Variants in TECTB observed in about 807,000 individuals in gnomAD.
The protein encoded by TECTB is beta-tectorin.
Under a neutral mutation model 43.3 loss-of-function variants are expected in TECTB, and 45 were observed. The observed-to-expected ratio is 1.04, with a 90% CI of 0.82 to 1.33. The LOEUF (loss-of-function observed/expected upper bound fraction) is 1.33, where lower values mean the gene tolerates loss of function less well. Among genes scored for constraint, TECTB ranks in the 40% most tolerant of loss-of-function variants. The pLI, the probability that TECTB is intolerant of heterozygous loss-of-function variation, is 0.00. For missense variants in TECTB, 399 were observed against 404.7 expected, an observed-to-expected ratio of 0.99 and a Z score of 0.12; for synonymous variants, 169 against 156.7, an observed-to-expected ratio of 1.08 and a Z score of -0.59.
At chr10:112,285,977 T>C in intron 3 of TECTB, 94 bp from the exon 4 acceptor site, 1 of 1,521,634 alleles carries the variant, frequency 6.6e-7, no homozygotes, top group Non-Finnish European at 9.0e-7. Flanking sequence ...CCCACTGGAC[T>C]TGTTTTTGAG....
In TECTB at chr10:112,299,570, C is replaced by T; in HGVS notation, c.907+6C>T. On this transcript the variant is annotated splice_donor_region_variant and intron_variant, in intron 9 of 10. Transcript: ENST00000646139. Reference sequence around the variant, plus strand: ...CGTGGAGCTCTCCCTGCGGAGTAAGCGTCTCTGTTTTCCTCTGTTTTCCAA... The same window carrying T: ...CGTGGAGCTCTCCCTGCGGAGTAAGTGTCTCTGTTTTCCTCTGTTTTCCAA... The T allele has an allele frequency of 1.9e-6, 3 of 1,555,760 alleles. No individual in the cohort carries two copies. The highest frequency in any genetic ancestry group is 2.6e-6 in the Non-Finnish European group (3 of 1,156,716).
chr10:112,302,682 T>C (rs1443350899), intron 10 of TECTB: 3 of 209,518 alleles, frequency 1.4e-5, no homozygotes, highest in Non-Finnish European at 2.8e-5. Flanking sequence ...ATGATTATGA[T>C]GACTGTACTG....
chr10:112,295,721 C>A (rs1377041538), intron 7 of TECTB, among the ~76,000 whole-genome samples: 1 of 152,246 alleles, frequency 6.6e-6, no homozygotes, highest in Non-Finnish European at 1.5e-5. Flanking sequence ...TGCTATCAGG[C>A]ACTGGGAACC....
In TECTB at chr10:112,300,230, T is replaced by TAAAGAAAGAAAGAGAAAGAAAG. The variant is rs1848588221; in HGVS notation, c.907+679_907+680insGAAAGAAAGAAAGAAAGAAAGA. On this transcript the variant is annotated intron_variant, in intron 9 of 10. Coordinates refer to ENST00000646139, the MANE Select transcript of TECTB (RefSeq NM_058222.3). Reference sequence around the variant, plus strand: ...AGACAGACAGACAGACAGAAAGAAATAAAGAAAGAAAGAAAGAAAGAAAGA... The same window carrying TAAAGAAAGAAAGAGAAAGAAAG: ...AGACAGACAGACAGACAGAAAGAAATAAAGAAAGAAAGAGAAAGAAAGAAAGAAAGAAAGAAAGAAAGAAAGA... Among the ~76,000 whole-genome samples the TAAAGAAAGAAAGAGAAAGAAAG allele has an allele frequency of 3.6e-5, 2 of 55,024 alleles. 1 individual carries two copies. Among genetic ancestry groups the TAAAGAAAGAAAGAGAAAGAAAG allele is most frequent in the Admixed American group, 4.6e-4 (2 of 4,384 alleles). The allele number at this position is 55,024 out of a possible 152,430, so 36.1% of individuals were successfully genotyped here.
Position 112,283,718 on chromosome 10 carries a change from C to A in TECTB, c.-17C>A. The A allele has an allele frequency of 6.2e-7, 1 of 1,613,366 alleles. No individual in the cohort carries two copies. The highest frequency in any genetic ancestry group is 1.3e-5 in the African/African-American group (1 of 74,970). On this transcript the variant is annotated 5_prime_UTR_variant, in exon 2 of 11. Transcript: ENST00000646139. ...GCTTGGTTTGGATACCTGGCAGAGA[C>A]CAGGTTCTGAGAAGCAATGGTGACG...
intron 7 of TECTB, among the ~76,000 whole-genome samples, chr10:112,296,150 C>T (rs1463951838): frequency 6.6e-6 from 1 of 152,062 alleles, no homozygotes; most frequent in African/African-American, 2.4e-5. Flanking sequence ...TTGCTCACAA[C>T]ACTGGGCCCC....
intron 3 of TECTB, among the ~76,000 whole-genome samples, chr10:112,284,981 C>A (rs1028963171): frequency 2.6e-5 from 4 of 152,182 alleles, no homozygotes; most frequent in African/African-American, 9.7e-5. Context: ...TCTAGTAGAA[C>A]AAAGTACATT....
intron 9 of TECTB, among the ~76,000 whole-genome samples, chr10:112,300,279 AAAAGAAAGAAAG>A (rs71303596): frequency 2.1e-4 from 10 of 48,390 alleles, no homozygotes; most frequent in Admixed American, 4.7e-4. Context: ...AGAAAGAAAG[AAAAGAAAGAAAG>A]AAAGAAAGAA....
chr10:112,299,163 A>G (rs943941569), intron 8 of TECTB, among the ~76,000 whole-genome samples: 3 of 152,244 alleles, frequency 2.0e-5, no homozygotes, highest in Admixed American at 2.0e-4. Context: ...TTCTCTAATT[A>G]TTGTGGTGAG....
chr10:112,300,230 T>TAAAGAAAGAAAGAAAG (rs1554854200), intron 9 of TECTB, among the ~76,000 whole-genome samples: 27 of 55,028 alleles, frequency 4.9e-4, no homozygotes, highest in Admixed American at 1.6e-3. Flanking sequence ...CAGAAAGAAA[T>TAAAGAAAGAAAGAAAG]AAAGAAAGAA....
At chr10:112,295,386 T>C (rs1848536754) in intron 7 of TECTB, among the ~76,000 whole-genome samples, 1 of 152,176 alleles carries the variant, frequency 6.6e-6, no homozygotes. Context: ...CTCTCTAAAG[T>C]AGACAGTATA....
chr10:112,300,797 A>G (rs1316781758), intron 9 of TECTB, among the ~76,000 whole-genome samples: 1 of 152,260 alleles, frequency 6.6e-6, no homozygotes, highest in Non-Finnish European at 1.5e-5. Flanking sequence ...CTGAAATCTG[A>G]AACACTTCTG....
intron 5 of TECTB, among the ~76,000 whole-genome samples, chr10:112,288,235 A>T (rs1161529310): frequency 6.6e-6 from 1 of 152,224 alleles, no homozygotes; most frequent in African/African-American, 2.4e-5. Context: ...ACACGGAGAC[A>T]CCAGGATTGT....
At chr10:112,287,049 G>A (rs1429539721) in intron 5 of TECTB, among the ~76,000 whole-genome samples, 1 of 152,202 alleles carries the variant, frequency 6.6e-6, no homozygotes, top group Non-Finnish European at 1.5e-5. Flanking sequence ...CTGACTCTTA[G>A]TCAAGATTAG....
At chr10:112,288,883 C>T (rs986524565) in intron 5 of TECTB, among the ~76,000 whole-genome samples, 2 of 152,080 alleles carry the variant, frequency 1.3e-5, no homozygotes, top group Admixed American at 1.3e-4. Flanking sequence ...TTATTTTGAC[C>T]CTCAATACAA....
chr10:112,296,240 A>G (rs908873507), intron 7 of TECTB, among the ~76,000 whole-genome samples: 4 of 152,150 alleles, frequency 2.6e-5, no homozygotes, highest in African/African-American at 9.7e-5. Context: ...CCCTGTACAC[A>G]TGGATGCCCC....
Position 112,283,662 on chromosome 10 carries a change from A to G in TECTB, c.-73A>G. 3 of 1,387,848 alleles carry G rather than the reference A, an allele frequency of 2.2e-6. No individual in the cohort carries two copies. The highest frequency in any genetic ancestry group is 3.0e-6 in the Non-Finnish European group (3 of 987,390). 86.0% of individuals were successfully genotyped at this position (1,387,848 alleles called of 1,614,324 possible). A position where few individuals can be genotyped will look rare whatever the true frequency, so the allele number is the denominator to read the frequency against. ...TTCTGACTTAGAATGATCGAGGCTCAGGCCCTGGAAGGACCGTAAACATTT... is the reference window on the plus strand; with the variant it reads ...TTCTGACTTAGAATGATCGAGGCTCGGGCCCTGGAAGGACCGTAAACATTT... On this transcript the variant is annotated 5_prime_UTR_variant, in exon 2 of 11. Coordinates refer to ENST00000646139, the MANE Select transcript of TECTB (RefSeq NM_058222.3).
At chr10:112,301,465 A>G (rs1001783914) in intron 9 of TECTB, among the ~76,000 whole-genome samples, 1 of 152,058 alleles carries the variant, frequency 6.6e-6, no homozygotes, top group African/African-American at 2.4e-5. Flanking sequence ...AGAAAGTTTT[A>G]TTAGAACACA....
At chr10:112,302,009 C>G (rs1848616285) in intron 9 of TECTB, 92 bp from the exon 10 acceptor site, 8 of 1,478,594 alleles carry the variant, frequency 5.4e-6, no homozygotes, top group Non-Finnish European at 9.3e-7. Flanking sequence ...CAGCCCCCAG[C>G]CAGGTTTTGT....
Sources: gnomAD v4.1 joint callset for allele counts (sites outside exome capture counted in the v4.1 genomes callset) on GRCh38, gnomAD v4.1.1 for gene constraint, MANE v1.5 for transcripts, NCBI Gene and HGNC (gene_info 2026-07-23, HGNC 2026-07-21) for gene names.